The following PDZRN3 variants were observed in gnomAD, a reference collection of about 807,000 sequenced individuals.
The protein encoded by PDZRN3 is E3 ubiquitin-protein ligase PDZRN3.
PDZRN3 carries 38 observed loss-of-function variants against 85.7 expected under a neutral mutation model. The observed-to-expected ratio is 0.44, with a 90% CI of 0.34 to 0.58. The LOEUF (loss-of-function observed/expected upper bound fraction) is 0.58. Among genes scored for constraint, PDZRN3 ranks in the 20% least tolerant of loss-of-function variants. The pLI is 0.01. For synonymous variants in PDZRN3, 759 were observed against 638.0 expected, an observed-to-expected ratio of 1.19 and a Z score of -2.86; for missense variants, 1,629 against 1,506.4, an observed-to-expected ratio of 1.08 and a Z score of -1.35.
At chr3:73,434,447 A>T (rs991598991) in intron 3 of PDZRN3, among the ~76,000 whole-genome samples, 1 of 152,188 alleles carries the variant, frequency 6.6e-6, no homozygotes, top group Non-Finnish European at 1.5e-5. Context: ...TAAAATATAA[A>T]AATTTAAATT....
intron 3 of PDZRN3, among the ~76,000 whole-genome samples, chr3:73,536,326 C>A (rs1428341269): frequency 6.6e-6 from 1 of 152,236 alleles, no homozygotes; most frequent in Non-Finnish European, 1.5e-5. Flanking sequence ...AGCCTGCCTG[C>A]AAGAGGAGTT....
chr3:73,450,012 G>T (rs1702827229), intron 3 of PDZRN3, among the ~76,000 whole-genome samples: 1 of 152,152 alleles, frequency 6.6e-6, no homozygotes, highest in Non-Finnish European at 1.5e-5. Context: ...GATGAGAAGG[G>T]TCCTTAGGAG....
intron 3 of PDZRN3, among the ~76,000 whole-genome samples, chr3:73,592,950 G>A (rs1345959877): frequency 2.6e-5 from 4 of 152,206 alleles, no homozygotes; most frequent in East Asian, 3.9e-4. Context: ...GCTTTGAAGC[G>A]TTCCCCTAGC....
chr3:73,492,882 G>A (rs926440866), intron 3 of PDZRN3, among the ~76,000 whole-genome samples: 1 of 151,112 alleles, frequency 6.6e-6, no homozygotes, highest in African/African-American at 2.4e-5. Context: ...AATATCATAT[G>A]TACCACATAA....
At chr3:73,533,716 C>A (rs1041367110) in intron 3 of PDZRN3, among the ~76,000 whole-genome samples, 1 of 152,108 alleles carries the variant, frequency 6.6e-6, no homozygotes, top group Non-Finnish European at 1.5e-5. Flanking sequence ...AGGTGTAATA[C>A]ACAAAATAAG....
At chr3:73,602,692 T>C (rs911427782) in intron 2 of PDZRN3, among the ~76,000 whole-genome samples, 3 of 152,212 alleles carry the variant, frequency 2.0e-5, no homozygotes, top group African/African-American at 7.2e-5. Flanking sequence ...CTCCAACCCA[T>C]TGTCCTTCTT....
At chr3:73,573,257 T>C (rs537446281) in intron 3 of PDZRN3, among the ~76,000 whole-genome samples, 1 of 152,246 alleles carries the variant, frequency 6.6e-6, no homozygotes, top group South Asian at 2.1e-4. Context: ...ACAGAGTATA[T>C]ATAAAGCACC....
At chr3:73,430,084 C>T (rs1436229771) in intron 3 of PDZRN3, among the ~76,000 whole-genome samples, 1 of 152,214 alleles carries the variant, frequency 6.6e-6, no homozygotes, top group African/African-American at 2.4e-5. Context: ...AAAGAATTCA[C>T]AGATGTGGGA....
At chr3:73,390,108 A>C (rs965760835) in intron 6 of PDZRN3, among the ~76,000 whole-genome samples, 7 of 152,210 alleles carry the variant, frequency 4.6e-5, no homozygotes, top group African/African-American at 1.7e-4. Context: ...CCTGTTACAC[A>C]GCAGTGTGTG....
intron 3 of PDZRN3, among the ~76,000 whole-genome samples, chr3:73,549,461 C>T (rs1287621400): frequency 6.6e-6 from 1 of 152,164 alleles, no homozygotes; most frequent in East Asian, 1.9e-4. Context: ...TCTTTGGACA[C>T]AGAACAGCTG....
chr3:73,619,604 G>C (rs1702818961), intron 1 of PDZRN3, among the ~76,000 whole-genome samples: 1 of 152,166 alleles, frequency 6.6e-6, no homozygotes, highest in Admixed American at 6.5e-5. Context: ...GATTGTTCCA[G>C]GTAGACAGAA....
chr3:73,541,226 T>C (rs957019051), intron 3 of PDZRN3, among the ~76,000 whole-genome samples: 17 of 152,214 alleles, frequency 1.1e-4, no homozygotes, highest in African/African-American at 4.1e-4. Flanking sequence ...AAGACCTGAC[T>C]TTAGAAATAT....
At chr3:73,624,017 G>A (rs1575769021) in intron 1 of PDZRN3, 86 bp downstream of exon 1, 3 of 1,235,244 alleles carry the variant, frequency 2.4e-6, no homozygotes, top group South Asian at 1.8e-5. Flanking sequence ...GGAAGCTCGG[G>A]GCATCCCTGT....
At chr3:73,404,061 A>G in intron 4 of PDZRN3, 87 bp downstream of exon 4, 5 of 1,312,334 alleles carry the variant, frequency 3.8e-6, no homozygotes, top group Non-Finnish European at 5.3e-6. Context: ...TATAGGGTGC[A>G]TTAATTTTTT....
intron 3 of PDZRN3, among the ~76,000 whole-genome samples, chr3:73,493,134 T>C (rs1273011816): frequency 6.6e-6 from 1 of 152,020 alleles, no homozygotes; most frequent in African/African-American, 2.4e-5. Flanking sequence ...TAATTTCTCC[T>C]TGGCCTCAGA....
chr3:73,452,764 G>A (rs948331469), intron 3 of PDZRN3, among the ~76,000 whole-genome samples: 1 of 151,798 alleles, frequency 6.6e-6, no homozygotes, highest in African/African-American at 2.4e-5. Flanking sequence ...ACTTCGCTCA[G>A]TGGTTACAGT....
intron 3 of PDZRN3, among the ~76,000 whole-genome samples, chr3:73,482,545 T>C (rs1703585044): frequency 6.6e-6 from 1 of 152,246 alleles, no homozygotes; most frequent in African/African-American, 2.4e-5. Flanking sequence ...GTTATTATTG[T>C]ATTTGTTTTT....
intron 3 of PDZRN3, among the ~76,000 whole-genome samples, chr3:73,544,379 G>A (rs758827038): frequency 1.8e-4 from 28 of 151,712 alleles, no homozygotes; most frequent in Non-Finnish European, 3.1e-4. Flanking sequence ...GAACTGTTAC[G>A]TATTTTTGGA....
At chr3:73,515,342 A>AT (rs1314528362) in intron 3 of PDZRN3, among the ~76,000 whole-genome samples, 1 of 151,758 alleles carries the variant, frequency 6.6e-6, no homozygotes, top group Non-Finnish European at 1.5e-5. Context: ...TGCCCAGCTA[A>AT]TTTTTTTGTA....
Sources: gnomAD v4.1 joint callset for allele counts (sites outside exome capture counted in the v4.1 genomes callset) on GRCh38, gnomAD v4.1.1 for gene constraint, MANE v1.5 for transcripts, NCBI Gene and HGNC (gene_info 2026-07-23, HGNC 2026-07-21) for gene names.